Variants in USP3 observed in about 807,000 individuals in gnomAD.
The protein encoded by USP3 is ubiquitin specific peptidase 3.
In USP3, 20 loss-of-function variants were observed where a neutral mutation model predicts 72.3. The observed-to-expected ratio is 0.28, with a 90% CI of 0.19 to 0.40. USP3 has a LOEUF of 0.40. Among genes scored for constraint, USP3 ranks in the 10% least tolerant of loss-of-function variants. USP3 has a pLI of 1.00. For synonymous variants in USP3, 222 were observed against 225.3 expected (o/e 0.99, Z 0.13); for missense variants, 479 against 633.9 (o/e 0.76, Z 2.62).
Position 63,574,801 on chromosome 15 carries a change from C to G in USP3, c.1096+398C>G, listed in dbSNP as rs2066836112. Among the ~76,000 whole-genome samples, 1 of 152,170 alleles carries G rather than the reference C, an allele frequency of 6.6e-6. No individual in the cohort carries two copies. Among genetic ancestry groups the G allele is most frequent in the Non-Finnish European group, 1.5e-5 (1 of 68,022 alleles). ...TCTGTTGCCTAATAGTTTGAGAAAT[C>G]TATGGATGATACAACTGCTGCTTAA... is the stretch of plus-strand genomic sequence containing the variant. On this transcript the variant is annotated intron_variant, in intron 11 of 14. Coordinates refer to ENST00000380324, the MANE Select transcript of USP3 (RefSeq NM_006537.4). The surrounding 1 kb of genome is among the most constrained non-coding windows in gnomAD (Gnocchi z 4.6).
intron 11 of USP3, among the ~76,000 whole-genome samples, chr15:63,579,180 G>T (rs1360617210): frequency 6.6e-6 from 1 of 152,104 alleles, no homozygotes; most frequent in African/African-American, 2.4e-5. Context: ...GACAGATAAA[G>T]CCTGAATAAA....
At chr15:63,505,639 C>G (rs912537281) in intron 1 of USP3, among the ~76,000 whole-genome samples, 1 of 152,198 alleles carries the variant, frequency 6.6e-6, no homozygotes, top group Non-Finnish European at 1.5e-5. Flanking sequence ...AGCGTTTTAA[C>G]TCCTGCTGGC....
At chr15:63,536,885 A>G (rs1280022495) in intron 2 of USP3, 140 bp from the exon 3 acceptor site, 1 of 896,934 alleles carries the variant, frequency 1.1e-6, no homozygotes, top group Non-Finnish European at 1.6e-6. Flanking sequence ...TTAAGTATTC[A>G]GTATAATAAA....
intron 11 of USP3, among the ~76,000 whole-genome samples, chr15:63,582,902 T>C (rs2066988697): frequency 6.6e-6 from 1 of 152,224 alleles, no homozygotes; most frequent in African/African-American, 2.4e-5. Flanking sequence ...TTCACATAAA[T>C]GCAGATGAGT....
At chr15:63,517,580 G>A (rs1467641316) in intron 1 of USP3, among the ~76,000 whole-genome samples, 1 of 152,202 alleles carries the variant, frequency 6.6e-6, no homozygotes, top group Non-Finnish European at 1.5e-5. Context: ...GAGGTGGGGA[G>A]CAAGTCACCT....
At chr15:63,563,270 T>G (rs57486081) in intron 8 of USP3, among the ~76,000 whole-genome samples, 1,734 of 152,312 alleles carry the variant, frequency 0.011, 29 homozygotes, top group African/African-American at 0.04. Flanking sequence ...TATAAATAAC[T>G]TATGCGCACT....
chr15:63,591,030 AT>A lies in USP3; in HGVS notation c.*207del. 2 of 529,708 alleles carry A rather than the reference AT, an allele frequency of 3.8e-6. No homozygotes were observed. The highest frequency in any genetic ancestry group is 6.1e-6 in the Non-Finnish European group (2 of 327,100). 32.8% of individuals were successfully genotyped at this position (529,708 alleles called of 1,614,324 possible). ...CCAGAAAACCTCAGCAGATGTTTTGATTTGCTGCTTTAGTTGTAATAATTCA... is the reference window on the plus strand; with the variant it reads ...CCAGAAAACCTCAGCAGATGTTTTGATTGCTGCTTTAGTTGTAATAATTCA... On this transcript the variant is annotated 3_prime_UTR_variant, in exon 15 of 15. Transcript: ENST00000380324.
rs1432016938 is a variant in USP3 at position 63,591,761 on chromosome 15, C to T, written c.*935C>T. 2 of 152,222 alleles carry T rather than the reference C, an allele frequency of 1.3e-5. No individual in the cohort carries two copies. The highest frequency in any genetic ancestry group is 6.5e-5 in the Admixed American group (1 of 15,288). The allele number at this position is 152,222 out of a possible 1,614,324, so 9.4% of individuals were successfully genotyped here. ...CCTCTGGGATTTACTTGGATCATCA[C>T]CCGCACTTCAGTTTATCACTGGGGG... is the stretch of plus-strand genomic sequence containing the variant. On this transcript the variant is annotated 3_prime_UTR_variant, in exon 15 of 15. Transcript: ENST00000380324.
intron 3 of USP3, among the ~76,000 whole-genome samples, chr15:63,548,572 C>T (rs1042080659): frequency 6.6e-6 from 1 of 152,156 alleles, no homozygotes; most frequent in Non-Finnish European, 1.5e-5. Context: ...AGGTGATCCA[C>T]CCACCTTGGC....
chr15:63,553,870 G>T lies in USP3; in HGVS notation c.368+72G>T. 2.5e-6 allele frequency: 3 copies of T among 1,209,550 alleles called. No homozygotes were observed. The highest frequency in any genetic ancestry group is 1.4e-5 in the South Asian group (1 of 70,150). The allele number at this position is 1,209,550 out of a possible 1,614,324, so 74.9% of individuals were successfully genotyped here. A position where few individuals can be genotyped will look rare whatever the true frequency, so the allele number is the denominator to read the frequency against. On this transcript the variant is annotated intron_variant, in intron 4 of 14. Coordinates refer to ENST00000380324, the MANE Select transcript of USP3 (RefSeq NM_006537.4). This position sits in a 1 kb window ranked among gnomAD's most constrained non-coding sequence, Gnocchi z 4.2. ...AGGAGTCTTTTAGAATTTTTGAGTG[G>T]GGTTTTTGTTGATGAGTTTAATAAC...
intron 1 of USP3, among the ~76,000 whole-genome samples, chr15:63,514,670 A>G (rs2065828617): frequency 1.3e-5 from 2 of 152,164 alleles, no homozygotes; most frequent in African/African-American, 2.4e-5. Flanking sequence ...AAAGTCTTTG[A>G]TGTTAAGAGG....
intron 1 of USP3, chr15:63,515,396 G>A (rs953349258): frequency 6.6e-6 from 1 of 152,226 alleles, no homozygotes; most frequent in Admixed American, 6.5e-5. Context: ...TAAAAATAGA[G>A]TAAAATGCTA....
chr15:63,535,658 A>G (rs1044939415), intron 2 of USP3, among the ~76,000 whole-genome samples: 8 of 152,222 alleles, frequency 5.3e-5, no homozygotes, highest in African/African-American at 1.4e-4. Flanking sequence ...TGTAAAGTAC[A>G]GGGAAAAAAT....
chr15:63,559,861 A>G lies in USP3; in HGVS notation c.538A>G (p.Ile180Val). 1 of 1,612,036 alleles carries G rather than the reference A, an allele frequency of 6.2e-7. No individual in the cohort carries two copies. The highest frequency in any genetic ancestry group is 8.5e-7 in the Non-Finnish European group (1 of 1,179,138). Residue 180 changes from isoleucine to valine, a missense_variant, in exon 7 of 15, where the codon ATT (isoleucine) becomes GTT (valine). Coordinates refer to ENST00000380324, the MANE Select transcript of USP3 (RefSeq NM_006537.4). ...MNAILQSLSN[I>V]EQFCCYFKEL... ...TTTCCCTTCCTTTTAAAATAGTAACATTGAGCAGTTTTGCTGTTATTTCAA... is the reference window on the plus strand; with the variant it reads ...TTTCCCTTCCTTTTAAAATAGTAACGTTGAGCAGTTTTGCTGTTATTTCAA...
rs1555398347 is a variant in USP3, at chr15:63,590,884, C to CAAATACTTGATACAAGATTT, written c.*61_*80dup. On this transcript the variant is annotated 3_prime_UTR_variant, in exon 15 of 15. Transcript: ENST00000380324. ...CCAGAGAAACATTTCCAGTTTTCCA[C>CAAATACTTGATACAAGATTT]AAATACTTGATACAAGATTTAATTT... 6.7e-6 allele frequency: 10 copies of CAAATACTTGATACAAGATTT among 1,502,874 alleles called. No individual in the cohort carries two copies. The highest frequency in any genetic ancestry group is 8.9e-6 in the Non-Finnish European group (10 of 1,120,838). 93.1% of individuals were successfully genotyped at this position (1,502,874 alleles called of 1,614,324 possible).
chr15:63,564,730 C>T (rs1009839683), intron 8 of USP3, among the ~76,000 whole-genome samples: 9 of 152,182 alleles, frequency 5.9e-5, no homozygotes, highest in Non-Finnish European at 1.2e-4. Flanking sequence ...CATACATGAA[C>T]TCTTAAATTT....
At chr15:63,519,994 C>T (rs1191048156) in intron 1 of USP3, among the ~76,000 whole-genome samples, 5 of 152,078 alleles carry the variant, frequency 3.3e-5, no homozygotes, top group African/African-American at 9.7e-5. Flanking sequence ...TTTACTTTCT[C>T]GCACAAGATG....
chr15:63,556,633 A>G lies in USP3; in HGVS notation c.369-34A>G. The G allele has an allele frequency of 1.9e-6, 3 of 1,544,344 alleles. No individual in the cohort carries two copies. In the African/African-American group the frequency reaches 4.1e-5, roughly 21 times the overall value. On this transcript the variant is annotated intron_variant, in intron 4 of 14. Coordinates refer to ENST00000380324, the MANE Select transcript of USP3 (RefSeq NM_006537.4). ...CCTGTGGTGTAGCATGCATATATTA[A>G]TAACTTTTTCACTATCTGTTTGTGT...
chr15:63,505,296 TTGTC>T (rs2065696756), intron 1 of USP3, among the ~76,000 whole-genome samples: 1 of 151,900 alleles, frequency 6.6e-6, no homozygotes, highest in Non-Finnish European at 1.5e-5. Context: ...GGGCGCAGCT[TTGTC>T]TGGGCTGCGG....
Sources: gnomAD v4.1 joint callset for allele counts (sites outside exome capture counted in the v4.1 genomes callset) on GRCh38, gnomAD v4.1.1 for gene constraint, Gnocchi (gnomAD v3.1) non-coding constraint, MANE v1.5 for transcripts, NCBI Gene and HGNC (gene_info 2026-07-23, HGNC 2026-07-21) for gene names.